Variants in RFC3 observed in about 807,000 individuals in gnomAD.
The protein encoded by RFC3 is replication factor C subunit 3.
A neutral mutation model predicts 45.1 loss-of-function variants in RFC3; 41 were observed. The ratio of observed to expected loss-of-function variants is 0.91; its 90% CI spans 0.71 to 1.18. The LOEUF (loss-of-function observed/expected upper bound fraction) is 1.18. Ranked by LOEUF, RFC3 falls within the 50% of genes most tolerant of loss-of-function variation. The probability of loss-of-function intolerance (pLI) is 0.00; values close to 1 mark genes in which losing one functional copy is unlikely to be tolerated. For synonymous variants in RFC3, 149 were observed against 144.0 expected (o/e 1.03, Z -0.25); for missense variants, 423 against 428.1 (o/e 0.99, Z 0.10).
chr13:33,861,407 C>T (rs973732023), intron 8 of RFC3, among the ~76,000 whole-genome samples: 21 of 151,978 alleles, frequency 1.4e-4, no homozygotes, highest in Admixed American at 3.9e-4. Flanking sequence ...GCGGGCAGAT[C>T]GCCTGAGGTC....
chr13:33,834,120 C>T (rs1446416121), intron 7 of RFC3, among the ~76,000 whole-genome samples: 2 of 150,446 alleles, frequency 1.3e-5, no homozygotes, highest in Non-Finnish European at 3.0e-5. Flanking sequence ...TGTTTCAATT[C>T]TTACACATAG....
chr13:33,824,871 T>C (rs2082034993), intron 3 of RFC3, among the ~76,000 whole-genome samples: 1 of 152,166 alleles, frequency 6.6e-6, no homozygotes, highest in African/African-American at 2.4e-5. Context: ...GGGAATGGGT[T>C]TGATCAAAGA....
intron 8 of RFC3, among the ~76,000 whole-genome samples, chr13:33,867,110 T>C (rs1490718033): frequency 6.6e-6 from 1 of 152,200 alleles, no homozygotes; most frequent in Non-Finnish European, 1.5e-5. Context: ...GCTAATACTC[T>C]TGGAGTTCCC....
At chr13:33,905,126 G>A (rs982941388) in intron 8 of RFC3, among the ~76,000 whole-genome samples, 2 of 151,706 alleles carry the variant, frequency 1.3e-5, no homozygotes, top group Non-Finnish European at 2.9e-5. Context: ...TTATTATGTT[G>A]CTTTTCACAT....
At chr13:33,924,564 T>C (rs2082789999) in intron 8 of RFC3, among the ~76,000 whole-genome samples, 1 of 151,494 alleles carries the variant, frequency 6.6e-6, no homozygotes, top group African/African-American at 2.4e-5. Flanking sequence ...AAAAGTTTGC[T>C]TCATCAGCAA....
chr13:33,921,347 A>G (rs2082767599), intron 8 of RFC3, among the ~76,000 whole-genome samples: 1 of 152,172 alleles, frequency 6.6e-6, no homozygotes, highest in Non-Finnish European at 1.5e-5. Context: ...AGTCTTCCTG[A>G]AGGCAACGGC....
intron 8 of RFC3, among the ~76,000 whole-genome samples, chr13:33,927,856 A>T (rs555922583): frequency 6.6e-6 from 1 of 152,094 alleles, no homozygotes; most frequent in Admixed American, 6.6e-5. Flanking sequence ...GGGTGGCCCT[A>T]TAATACCAAG....
chr13:33,841,567 T>G (rs1274066698), downstream of RFC3, among the ~76,000 whole-genome samples: 1 of 152,182 alleles, frequency 6.6e-6, no homozygotes, highest in South Asian at 2.1e-4. Flanking sequence ...ATAAGACATA[T>G]ACAAAATGAG....
intron 8 of RFC3, chr13:33,850,361 A>C (rs1000677944): frequency 5.3e-5 from 8 of 152,154 alleles, no homozygotes; most frequent in African/African-American, 1.9e-4. Flanking sequence ...ATAGATGTAA[A>C]GGATATTTTT....
chr13:33,869,634 C>T (rs2082395006), intron 8 of RFC3, among the ~76,000 whole-genome samples: 1 of 152,114 alleles, frequency 6.6e-6, no homozygotes, highest in African/African-American at 2.4e-5. Context: ...CCTTTCTTTT[C>T]CTCATCTAGT....
chr13:33,857,099 A>C (rs1479056114), intron 8 of RFC3, among the ~76,000 whole-genome samples: 1 of 152,244 alleles, frequency 6.6e-6, no homozygotes, highest in East Asian at 1.9e-4. Flanking sequence ...CTTTGAACTT[A>C]AACTTGTAAA....
chr13:33,915,569 C>T (rs1413474221), intron 8 of RFC3, among the ~76,000 whole-genome samples: 1 of 152,052 alleles, frequency 6.6e-6, no homozygotes, highest in Non-Finnish European at 1.5e-5. Flanking sequence ...TCCTCATGCC[C>T]ATGCCAGAAT....
At chr13:33,959,717 C>G (rs2083044468) in intron 8 of RFC3, among the ~76,000 whole-genome samples, 1 of 152,210 alleles carries the variant, frequency 6.6e-6, no homozygotes, top group African/African-American at 2.4e-5. Context: ...GCCCCTTCCT[C>G]TACCACCAAG....
At chr13:33,883,836 C>T (rs2082502064) in intron 8 of RFC3, among the ~76,000 whole-genome samples, 1 of 152,126 alleles carries the variant, frequency 6.6e-6, no homozygotes, top group South Asian at 2.1e-4. Flanking sequence ...CTAATGGGTA[C>T]TAGGCTTAAT....
chr13:33,947,136 CCAAATCT>C (rs1026150025), intron 8 of RFC3, among the ~76,000 whole-genome samples: 2 of 152,096 alleles, frequency 1.3e-5, no homozygotes, highest in African/African-American at 4.8e-5. Flanking sequence ...GTGTCCCCAC[CCAAATCT>C]CACTTTGAAT....
At chr13:33,911,508 TA>T (rs372568448) in intron 8 of RFC3, among the ~76,000 whole-genome samples, 7 of 151,798 alleles carry the variant, frequency 4.6e-5, no homozygotes, top group South Asian at 2.1e-4. Context: ...GAGTAATTTA[TA>T]AAAAAAAGAG....
intron 8 of RFC3, among the ~76,000 whole-genome samples, chr13:33,843,879 A>G (rs2082218060): frequency 6.6e-6 from 1 of 152,214 alleles, no homozygotes; most frequent in Non-Finnish European, 1.5e-5. Context: ...AACCAAATCC[A>G]TATGCAGCCT....
intron 8 of RFC3, among the ~76,000 whole-genome samples, chr13:33,918,262 A>C (rs888433503): frequency 6.6e-6 from 1 of 152,156 alleles, no homozygotes; most frequent in Non-Finnish European, 1.5e-5. Context: ...ACACACTGTT[A>C]ACAACAGTTA....
chr13:33,835,031 G>A (rs2082140225), intron 7 of RFC3, 117 bp from the exon 8 acceptor site: 1 of 601,302 alleles, frequency 1.7e-6, no homozygotes, highest in Non-Finnish European at 3.0e-6. Context: ...AGGTCATAAA[G>A]TTGTTAATTC....
Sources: allele counts gnomAD v4.1 joint callset (sites outside exome capture counted in the v4.1 genomes callset), GRCh38; gene constraint gnomAD v4.1.1; transcripts MANE v1.5; gene names NCBI Gene and HGNC (gene_info 2026-07-23, HGNC 2026-07-21).